SUDS3: variants seen among roughly 807,000 people sequenced by gnomAD.
The protein encoded by SUDS3 is sin3 histone deacetylase corepressor complex component SDS3.
Under a neutral mutation model 53.5 loss-of-function variants are expected in SUDS3, and 23 were observed. The ratio of observed to expected loss-of-function variants is 0.43; its 90% CI spans 0.31 to 0.61. SUDS3 has a LOEUF of 0.61. SUDS3 is among the 20% of genes least tolerant of loss of function. The pLI, the probability that SUDS3 is intolerant of heterozygous loss-of-function variation, is 0.10. For missense variants in SUDS3, 291 were observed against 405.9 expected (o/e 0.72, Z 2.43); for synonymous variants, 150 against 148.5 (o/e 1.01, Z -0.08).
At chr12:118,389,969 G>C (rs2046151038) in intron 5 of SUDS3, 23 bp downstream of exon 5, 1 of 1,613,838 alleles carries the variant, frequency 6.2e-7, no homozygotes, top group Non-Finnish European at 8.5e-7. Context: ...GATCTTCTGG[G>C]TTTGCAGGCC....
intron 6 of SUDS3, among the ~76,000 whole-genome samples, chr12:118,398,555 A>G (rs1249958705): frequency 6.8e-6 from 1 of 147,998 alleles, no homozygotes; most frequent in Non-Finnish European, 1.5e-5. Context: ...CCTCTATTCC[A>G]TTCATAGGAA....
chr12:118,383,370 C>T (rs1257108770), intron 2 of SUDS3, among the ~76,000 whole-genome samples: 2 of 152,188 alleles, frequency 1.3e-5, no homozygotes, highest in Non-Finnish European at 2.9e-5. Context: ...GTTATGACTG[C>T]CTATAATCCA....
chr12:118,393,562 C>T (rs778880246), intron 6 of SUDS3, among the ~76,000 whole-genome samples: 2 of 152,058 alleles, frequency 1.3e-5, no homozygotes, highest in Non-Finnish European at 2.9e-5. Flanking sequence ...TCAGTGCATC[C>T]CAACTTCAAT....
At chr12:118,387,562 T>C (rs2046126404) in intron 4 of SUDS3, among the ~76,000 whole-genome samples, 1 of 151,972 alleles carries the variant, frequency 6.6e-6, no homozygotes, top group Admixed American at 6.6e-5. Flanking sequence ...GTGTTCTTTT[T>C]TTTTTTTGAG....
At chr12:118,379,184 C>T (rs1265944683) in intron 1 of SUDS3, among the ~76,000 whole-genome samples, 1 of 151,564 alleles carries the variant, frequency 6.6e-6, no homozygotes, top group Non-Finnish European at 1.5e-5. Flanking sequence ...TGCCTGTAAT[C>T]CCAGCACTTT....
chr12:118,394,690 C>T (rs931683541), intron 6 of SUDS3, among the ~76,000 whole-genome samples: 8 of 152,076 alleles, frequency 5.3e-5, no homozygotes, highest in African/African-American at 1.9e-4. Flanking sequence ...GTTTTTGACT[C>T]ATTGATTTAT....
At chr12:118,383,569 C>A (rs1483256002) in intron 2 of SUDS3, among the ~76,000 whole-genome samples, 1 of 152,218 alleles carries the variant, frequency 6.6e-6, no homozygotes, top group Non-Finnish European at 1.5e-5. Flanking sequence ...TTAGTTCTTA[C>A]ACTGCTAAGC....
Position 118,414,683 on chromosome 12 carries a change from G to A in SUDS3, c.*250G>A, listed in dbSNP as rs2046385338. 2.7e-6 allele frequency: 1 copy of A among 373,038 alleles called. No homozygotes were observed. The highest frequency in any genetic ancestry group is 4.6e-5 in the Admixed American group (1 of 21,622). The allele number at this position is 373,038 out of a possible 1,614,324, so 23.1% of individuals were successfully genotyped here. On this transcript the variant is annotated 3_prime_UTR_variant, in exon 12 of 12. Coordinates refer to ENST00000543473, the MANE Select transcript of SUDS3 (RefSeq NM_022491.3). ...GACTGTTTTACTTTCAGGCGTATTG[G>A]GGGGTTTGATTTACTTTCCTTTTAT...
intron 2 of SUDS3, among the ~76,000 whole-genome samples, chr12:118,382,249 T>C (rs1369891332): frequency 1.3e-5 from 2 of 152,168 alleles, no homozygotes; most frequent in Non-Finnish European, 2.9e-5. Flanking sequence ...GGTTTCACCA[T>C]GTTGGCCAGG....
Position 118,416,450 on chromosome 12 carries a change from T to C in SUDS3, c.*2017T>C, listed in dbSNP as rs1395620517. 2 of 152,170 alleles carry C rather than the reference T, an allele frequency of 1.3e-5. No individual in the cohort carries two copies. The highest frequency in any genetic ancestry group is 2.9e-5 in the Non-Finnish European group (2 of 68,042). 9.4% of individuals were successfully genotyped at this position (152,170 alleles called of 1,614,324 possible). On this transcript the variant is annotated 3_prime_UTR_variant, in exon 12 of 12. Coordinates refer to ENST00000543473, the MANE Select transcript of SUDS3 (RefSeq NM_022491.3). ...TTTGAAGACCAGGGTATGGGCACTT[T>C]TGCCTTCTCTCCTCTCTGACTTTTG...
intron 5 of SUDS3, 200 bp from the exon 6 acceptor site, chr12:118,390,926 T>C: frequency 1.5e-6 from 1 of 676,404 alleles, no homozygotes; most frequent in Non-Finnish European, 2.7e-6. Flanking sequence ...AAGTGAGGTG[T>C]ACTCAAAAAT....
At position 118,384,063 on chromosome 12, in the gene SUDS3, A is replaced by G. The variant is rs2046092248; in HGVS notation, c.264A>G (p.Gln88=). 1.2e-6 allele frequency: 2 copies of G among 1,613,748 alleles called. No individual in the cohort carries two copies. Among genetic ancestry groups the G allele is most frequent in the Non-Finnish European group, 1.7e-6 (2 of 1,179,748 alleles). ...TCAAGAGGCAGTTGCAACAACTGCA[A>G]GAAGGTTGGTGTGTGATTGAATCCT... ...ASLKRQLQQL[Q]EGTLQEYQKR... The change falls in exon 3 of 12, where the codon CAA becomes CAG. Residue 88 remains glutamine, a synonymous_variant. Transcript: ENST00000543473.
chr12:118,410,249 C>T (rs1011848719), intron 10 of SUDS3, among the ~76,000 whole-genome samples: 7 of 152,136 alleles, frequency 4.6e-5, no homozygotes, highest in Admixed American at 1.3e-4. Flanking sequence ...GGGTTAAAGT[C>T]AGCCTTCCTT....
chr12:118,378,109 GT>G (rs138250567), intron 1 of SUDS3, among the ~76,000 whole-genome samples: 37 of 151,560 alleles, frequency 2.4e-4, no homozygotes, highest in Admixed American at 1.1e-3. Context: ...CCAAAATTGA[GT>G]TTTTTTTTCC....
chr12:118,400,166 G>C (rs902490271), intron 6 of SUDS3, among the ~76,000 whole-genome samples: 1 of 152,110 alleles, frequency 6.6e-6, no homozygotes, highest in Non-Finnish European at 1.5e-5. Flanking sequence ...AAAAAAATCC[G>C]AGTCTGTAAA....
chr12:118,388,923 C>T (rs1226773110), intron 4 of SUDS3, among the ~76,000 whole-genome samples: 3 of 152,104 alleles, frequency 2.0e-5, no homozygotes. Context: ...CTGAGGCTGG[C>T]GCATCACCTG....
chr12:118,399,794 A>G (rs1393683274), intron 6 of SUDS3, among the ~76,000 whole-genome samples: 1 of 151,328 alleles, frequency 6.6e-6, no homozygotes, highest in African/African-American at 2.5e-5. Context: ...CAACCTTGGG[A>G]GAGGAAACGA....
rs1358366725 is a variant in SUDS3, at chr12:118,389,960, A to G, written c.360+14A>G. The G allele has an allele frequency of 6.2e-7, 1 of 1,613,920 alleles. No individual in the cohort carries two copies. Among genetic ancestry groups the G allele is most frequent in the East Asian group, 2.2e-5 (1 of 44,874 alleles). On this transcript the variant is annotated intron_variant, in intron 5 of 11. Transcript: ENST00000543473. Reference sequence around the variant, plus strand: ...CTCCAGCTGGAAGTAAGTACCACGGATCTTCTGGGTTTGCAGGCCCTGTCT... The same window carrying G: ...CTCCAGCTGGAAGTAAGTACCACGGGTCTTCTGGGTTTGCAGGCCCTGTCT...
intron 7 of SUDS3, 65 bp from the exon 8 acceptor site, chr12:118,401,694 A>G: frequency 4.7e-6 from 6 of 1,271,102 alleles, no homozygotes; most frequent in South Asian, 3.6e-5. Context: ...TACTGGTACC[A>G]TTGTGTTGAT....
Sources: gnomAD v4.1 joint callset for allele counts (sites outside exome capture counted in the v4.1 genomes callset) on GRCh38, gnomAD v4.1.1 for gene constraint, MANE v1.5 for transcripts, NCBI Gene and HGNC (gene_info 2026-07-23, HGNC 2026-07-21) for gene names.